The following MAD1L1 variants were observed in gnomAD, a reference collection of about 807,000 sequenced individuals.
MAD1L1 encodes the protein mitotic arrest deficient 1 like 1.
A neutral mutation model predicts 96.9 loss-of-function variants in MAD1L1; 95 were observed. The ratio of observed to expected loss-of-function variants is 0.98; its 90% CI spans 0.83 to 1.16. MAD1L1 has a LOEUF of 1.16. Ranked by LOEUF, MAD1L1 falls within the 50% of genes most tolerant of loss-of-function variation. The pLI is 0.00. For missense variants in MAD1L1, 1,007 were observed against 954.4 expected (o/e 1.06, Z -0.73); for synonymous variants, 473 against 396.6 (o/e 1.19, Z -2.29).
intron 18 of MAD1L1, among the ~76,000 whole-genome samples, chr7:1,875,537 A>G (rs1785340675): frequency 6.6e-6 from 1 of 152,110 alleles, no homozygotes; most frequent in African/African-American, 2.4e-5. Context: ...GCACAAGCAG[A>G]GGAGAAAGGA....
At chr7:2,125,402 TC>T (rs1788185050) in intron 11 of MAD1L1, among the ~76,000 whole-genome samples, 1 of 152,006 alleles carries the variant, frequency 6.6e-6, no homozygotes, top group African/African-American at 2.4e-5. Context: ...GCCCCATGTG[TC>T]CCCCGGGCGA....
intron 14 of MAD1L1, among the ~76,000 whole-genome samples, chr7:1,987,739 G>A (rs1781222104): frequency 6.6e-6 from 1 of 152,240 alleles, no homozygotes; most frequent in Admixed American, 6.5e-5. Context: ...AGCCGAGAGT[G>A]GAGGGTGCAG....
At chr7:1,900,085 G>T (rs562589109) in intron 17 of MAD1L1, among the ~76,000 whole-genome samples, 1 of 152,216 alleles carries the variant, frequency 6.6e-6, no homozygotes, top group South Asian at 2.1e-4. Flanking sequence ...GCGCAGGGCC[G>T]CTGGGCACCC....
At position 2,082,533 on chromosome 7, in the gene MAD1L1, C is replaced by T. The variant is rs371681964; in HGVS notation, c.1074-13195G>A. Among the ~76,000 whole-genome samples, 235 of 152,280 alleles carry T rather than the reference C, an allele frequency of 1.5e-3. 2 individuals are homozygous for T. The highest frequency in any genetic ancestry group is 2.1e-3 in the Non-Finnish European group (144 of 68,028). ...AGGCATGGAGCTGGGCTCTGGCCGG[C>T]GTCGCCGGGTCTGGTGTGGGAGTGC... On this transcript the variant is annotated intron_variant, in intron 11 of 18. Transcript: ENST00000265854.
chr7:2,210,223 C>T (rs981249955), intron 10 of MAD1L1, among the ~76,000 whole-genome samples: 1 of 152,164 alleles, frequency 6.6e-6, no homozygotes, highest in African/African-American at 2.4e-5. Context: ...CAGGTGCACA[C>T]CACTGAGCAC....
intron 13 of MAD1L1, among the ~76,000 whole-genome samples, chr7:2,004,326 CCCGT>C (rs1457466040): frequency 6.6e-6 from 1 of 152,234 alleles, no homozygotes; most frequent in African/African-American, 2.4e-5. Context: ...CCCCTGGCAG[CCCGT>C]CCATGTCCGC....
chr7:1,826,326 G>A (rs959516241), intron 18 of MAD1L1, among the ~76,000 whole-genome samples: 3 of 152,112 alleles, frequency 2.0e-5, no homozygotes, highest in Admixed American at 1.3e-4. Flanking sequence ...CGCTGCTGGT[G>A]TATTACCTCG....
intron 11 of MAD1L1, among the ~76,000 whole-genome samples, chr7:2,137,056 A>T (rs185173442): frequency 6.6e-6 from 1 of 152,330 alleles, no homozygotes; most frequent in Non-Finnish European, 1.5e-5. Context: ...AGCTCCTGGC[A>T]GCCCTGACCC....
chr7:1,849,799 T>TGGCAGTGGCAGC (rs71548207), intron 18 of MAD1L1: 6 of 151,678 alleles, frequency 4.0e-5, no homozygotes, highest in African/African-American at 1.2e-4. Context: ...GACCCCGCAG[T>TGGCAGTGGCAGC]GGCAGCGGCA....
chr7:2,051,146 G>C (rs114102163), intron 12 of MAD1L1, among the ~76,000 whole-genome samples: 81 of 152,294 alleles, frequency 5.3e-4, no homozygotes, highest in African/African-American at 1.9e-3. Flanking sequence ...ACAAGGTTCC[G>C]GGCCTGGTCC....
intron 13 of MAD1L1, among the ~76,000 whole-genome samples, chr7:2,004,398 A>C (rs1188552242): frequency 6.6e-6 from 1 of 152,264 alleles, no homozygotes; most frequent in Non-Finnish European, 1.5e-5. Flanking sequence ...CACCGGCCTC[A>C]GGTGACAGCT....
intron 15 of MAD1L1, among the ~76,000 whole-genome samples, chr7:1,979,079 A>G (rs1476913212): frequency 6.6e-6 from 1 of 152,066 alleles, no homozygotes; most frequent in East Asian, 1.9e-4. Context: ...TTCCTGCTTT[A>G]CTCTCGGCAA....
chr7:1,826,285 C>G (rs6974455), intron 18 of MAD1L1, among the ~76,000 whole-genome samples: 1 of 151,698 alleles, frequency 6.6e-6, no homozygotes, highest in Non-Finnish European at 1.5e-5. Context: ...CTGGCCCGTC[C>G]GCGCTCTGAG....
intron 12 of MAD1L1, among the ~76,000 whole-genome samples, chr7:2,018,240 T>A (rs1033063827): frequency 5.9e-5 from 9 of 152,140 alleles, no homozygotes; most frequent in Non-Finnish European, 1.2e-4. Flanking sequence ...AAAGAGCCTC[T>A]CTGAGTGTGA....
chr7:2,070,408 G>A (rs3800870), intron 11 of MAD1L1, among the ~76,000 whole-genome samples: 6,997 of 152,230 alleles, frequency 0.046, 263 homozygotes, highest in African/African-American at 0.096. Flanking sequence ...GCACACAGGT[G>A]CTCCCAGGAA....
At chr7:2,170,823 C>T (rs1183021424) in intron 10 of MAD1L1, among the ~76,000 whole-genome samples, 2 of 152,126 alleles carry the variant, frequency 1.3e-5, no homozygotes, top group South Asian at 2.1e-4. Context: ...AAAGTCGGGG[C>T]GTCAGAGATG....
At chr7:1,884,954 T>C (rs1291817413) in intron 18 of MAD1L1, among the ~76,000 whole-genome samples, 2 of 152,182 alleles carry the variant, frequency 1.3e-5, no homozygotes, top group African/African-American at 2.4e-5. Context: ...CCTCCGGGAA[T>C]AGGCAAAGTT....
At chr7:1,892,314 C>T (rs114539605) in intron 18 of MAD1L1, among the ~76,000 whole-genome samples, 2,800 of 152,294 alleles carry the variant, frequency 0.018, 76 homozygotes, top group African/African-American at 0.063. Flanking sequence ...ACAACACTGC[C>T]CACCAGCACG....
intron 16 of MAD1L1, among the ~76,000 whole-genome samples, chr7:1,939,216 G>A (rs1778815992): frequency 8.6e-6 from 1 of 116,112 alleles, no homozygotes; most frequent in Admixed American, 9.9e-5. Context: ...ACACACACAC[G>A]GGCCAGGGCC....
Sources: allele counts gnomAD v4.1 joint callset (sites outside exome capture counted in the v4.1 genomes callset), GRCh38; gene constraint gnomAD v4.1.1; transcripts MANE v1.5; gene names NCBI Gene and HGNC (gene_info 2026-07-23, HGNC 2026-07-21).